Variants in RAB11FIP2 observed in about 807,000 individuals in gnomAD.
RAB11FIP2 encodes the protein RAB11 family interacting protein 2, also known as rab11 family-interacting protein 2.
In RAB11FIP2, 16 loss-of-function variants were observed where a neutral mutation model predicts 40.9. That is an observed-to-expected ratio of 0.39 (90% CI 0.26 to 0.59). RAB11FIP2 has a LOEUF of 0.59. Among genes scored for constraint, RAB11FIP2 ranks in the 20% least tolerant of loss-of-function variants. The pLI is 0.53. For missense variants in RAB11FIP2, 532 were observed against 606.2 expected (o/e 0.88, Z 1.28); for synonymous variants, 228 against 213.7 (o/e 1.07, Z -0.58).
chr10:118,046,248 C>G lies in RAB11FIP2; in HGVS notation c.-85G>C. Reference sequence around the variant, plus strand: ...GAGCCTAATTCCTTAATCACTGCATCCTAAGGACACTTAACGGAAACAGGC... The same window carrying G: ...GAGCCTAATTCCTTAATCACTGCATGCTAAGGACACTTAACGGAAACAGGC... On this transcript the variant is annotated 5_prime_UTR_variant, in exon 1 of 5. Coordinates refer to ENST00000355624, the MANE Select transcript of RAB11FIP2 (RefSeq NM_014904.3). 8.9e-7 allele frequency: 1 copy of G among 1,128,610 alleles called. No homozygotes were observed. The highest frequency in any genetic ancestry group is 1.3e-6 in the Non-Finnish European group (1 of 773,706). The allele number at this position is 1,128,610 out of a possible 1,614,324, so 69.9% of individuals were successfully genotyped here.
Position 118,039,020 on chromosome 10 carries a change from T to G in RAB11FIP2, c.1217A>C (p.Asn406Thr). 1 of 1,609,130 alleles carries G rather than the reference T, an allele frequency of 6.2e-7. No homozygotes were observed. The highest frequency in any genetic ancestry group is 2.2e-5 in the East Asian group (1 of 44,822). ...AGCCCTGAATTTTGCTGTAAATGGA[T>G]TGGTTGACTCATAATCAAAATAGTC... ...RQDYFDYEST[N>T]PFTAKFRASN... The change falls in exon 3 of 5, where the codon AAT (asparagine) becomes ACT (threonine). Residue 406 changes from asparagine (N) to threonine (T), a missense_variant. Asn to Thr is a moderately conservative substitution (Grantham distance 65, BLOSUM62 0). Coordinates refer to ENST00000355624, the MANE Select transcript of RAB11FIP2 (RefSeq NM_014904.3).
rs754207808 is a variant in RAB11FIP2 at position 118,039,188 on chromosome 10, T to A, written c.1049A>T (p.Lys350Ile). 1 of 1,613,716 alleles carries A rather than the reference T, an allele frequency of 6.2e-7. No individual in the cohort carries two copies. The highest frequency in any genetic ancestry group is 8.5e-7 in the Non-Finnish European group (1 of 1,179,786). The change falls in exon 3 of 5, where the codon AAA becomes ATA. Residue 350 changes from lysine to isoleucine, a missense_variant. Lys to Ile is a moderately radical substitution (Grantham distance 102). Transcript: ENST00000355624. ...SKPIEIRKEN[K>I]REKREKVSLF... ...GCTAACTTTCTCCCTTTTCTCTCTT[T>A]TATTTTCTTTTCTTATTTCAATTGG... is the stretch of plus-strand genomic sequence containing the variant.
chr10:118,033,791 A>G (rs141097163), intron 3 of RAB11FIP2, among the ~76,000 whole-genome samples: 87 of 152,286 alleles, frequency 5.7e-4, no homozygotes, highest in Admixed American at 3.5e-3. Context: ...TTTCTTAAAC[A>G]CAACGAAAGG....
At chr10:118,011,540 C>T (rs1589636631) in intron 4 of RAB11FIP2, among the ~76,000 whole-genome samples, 1 of 151,988 alleles carries the variant, frequency 6.6e-6, no homozygotes, top group African/African-American at 2.4e-5. Context: ...GTGTAGAGTT[C>T]GGTATACTTT....
intron 4 of RAB11FIP2, among the ~76,000 whole-genome samples, chr10:118,012,392 G>T (rs1306666393): frequency 2.0e-5 from 3 of 151,850 alleles, no homozygotes; most frequent in South Asian, 2.1e-4. Context: ...TATGTACTAT[G>T]AATTATATTC....
At chr10:118,032,421 GTGTT>G in intron 3 of RAB11FIP2, among the ~76,000 whole-genome samples, 1 of 149,254 alleles carries the variant, frequency 6.7e-6, no homozygotes, top group South Asian at 2.1e-4. Context: ...GCGTGTGTGT[GTGTT>G]TAACCTATTC....
At chr10:118,034,009 C>T (rs1246264490) in intron 3 of RAB11FIP2, 1 of 702,150 alleles carries the variant, frequency 1.4e-6, no homozygotes, top group Non-Finnish European at 2.6e-6. Flanking sequence ...AGATCCTCTC[C>T]ATTCAGCTAC....
chr10:118,034,053 AAAC>A (rs956078455), intron 3 of RAB11FIP2: 2 of 701,242 alleles, frequency 2.9e-6, no homozygotes, highest in Non-Finnish European at 5.2e-6. Flanking sequence ...TGTAAAGCCC[AAAC>A]AATAAATAGT....
chr10:118,006,858 T>A lies in RAB11FIP2; in HGVS notation c.*2140A>T, dbSNP rs575508484. The A allele has an allele frequency of 5.2e-5, 8 of 152,466 alleles. No individual in the cohort carries two copies. The highest frequency in any genetic ancestry group is 1.9e-4 in the African/African-American group (8 of 41,560). 9.4% of individuals were successfully genotyped at this position (152,466 alleles called of 1,614,324 possible). ...AAGCTAAGCCTCAATAGCTTTTATA[T>A]AGGAAAAGAATCGCTCCTTAAAAAT... On this transcript the variant is annotated 3_prime_UTR_variant, in exon 5 of 5. Transcript: ENST00000355624.
chr10:118,007,372 T>A lies in RAB11FIP2; in HGVS notation c.*1626A>T, dbSNP rs1013288230. 6.6e-6 allele frequency: 1 copy of A among 151,514 alleles called. No individual in the cohort carries two copies. Among genetic ancestry groups the A allele is most frequent in the South Asian group, 2.1e-4 (1 of 4,820 alleles). 9.4% of individuals were successfully genotyped at this position (151,514 alleles called of 1,614,324 possible). On this transcript the variant is annotated 3_prime_UTR_variant, in exon 5 of 5. Transcript: ENST00000355624. ...TACAGTAAAACTGAAATGCAGAAGATACAAATAACAAGGGGTTTTAGTTTA... is the reference window on the plus strand; with the variant it reads ...TACAGTAAAACTGAAATGCAGAAGAAACAAATAACAAGGGGTTTTAGTTTA...
At chr10:118,041,653 CT>C (rs1846560024) in intron 1 of RAB11FIP2, among the ~76,000 whole-genome samples, 1 of 151,828 alleles carries the variant, frequency 6.6e-6, no homozygotes, top group South Asian at 2.1e-4. Context: ...CAAAGGAACT[CT>C]GATCTAATTT....
At chr10:118,044,510 G>A (rs189287462) in intron 1 of RAB11FIP2, among the ~76,000 whole-genome samples, 29 of 152,072 alleles carry the variant, frequency 1.9e-4, no homozygotes, top group Middle Eastern at 3.4e-3. Context: ...TCAAATCACT[G>A]ATATATATTA....
Position 118,046,269 on chromosome 10 carries a change from C to A in RAB11FIP2, c.-106G>T, listed in dbSNP as rs144216696. 7.8e-5 allele frequency: 77 copies of A among 984,000 alleles called. No homozygotes were observed. In the African/African-American group the frequency reaches 1.1e-3, roughly 14 times the overall value. The allele number at this position is 984,000 out of a possible 1,614,324, so 61.0% of individuals were successfully genotyped here. On this transcript the variant is annotated 5_prime_UTR_variant, in exon 1 of 5. Transcript: ENST00000355624. ...GCATCCTAAGGACACTTAACGGAAACAGGCAGGCTCAGGGCTCCCCGACTT... is the reference window on the plus strand; with the variant it reads ...GCATCCTAAGGACACTTAACGGAAAAAGGCAGGCTCAGGGCTCCCCGACTT...
chr10:118,041,046 TCC>T (rs1358813748), intron 1 of RAB11FIP2, among the ~76,000 whole-genome samples: 2 of 152,098 alleles, frequency 1.3e-5, no homozygotes, highest in East Asian at 3.8e-4. Flanking sequence ...CCTGGCCCCA[TCC>T]CAAAATATTA....
intron 3 of RAB11FIP2, among the ~76,000 whole-genome samples, chr10:118,035,278 C>A (rs1017345200): frequency 6.6e-6 from 1 of 152,110 alleles, no homozygotes; most frequent in Non-Finnish European, 1.5e-5. Context: ...GCCACTGATA[C>A]CGTGGTTATT....
chr10:118,007,576 C>T lies in RAB11FIP2; in HGVS notation c.*1422G>A, dbSNP rs1475651786. The T allele has an allele frequency of 3.3e-5, 5 of 151,880 alleles. No individual in the cohort carries two copies. In the East Asian group the frequency reaches 7.7e-4, roughly 23 times the overall value. 9.4% of individuals were successfully genotyped at this position (151,880 alleles called of 1,614,324 possible). On this transcript the variant is annotated 3_prime_UTR_variant, in exon 5 of 5. Coordinates refer to ENST00000355624, the MANE Select transcript of RAB11FIP2 (RefSeq NM_014904.3). Reference sequence around the variant, plus strand: ...GGGAATATGTAAGTCTCCATATGGACATGAATTTTCATTTTAAATTCAGAA... The same window carrying T: ...GGGAATATGTAAGTCTCCATATGGATATGAATTTTCATTTTAAATTCAGAA...
intron 1 of RAB11FIP2, among the ~76,000 whole-genome samples, chr10:118,040,934 T>C (rs917029438): frequency 1.3e-5 from 2 of 152,078 alleles, no homozygotes; most frequent in Admixed American, 6.5e-5. Flanking sequence ...TTTTTTAACA[T>C]TAAAAGACAT....
chr10:118,040,227 A>G lies in RAB11FIP2; in HGVS notation c.692T>C (p.Leu231Ser), dbSNP rs1195152960. The change falls in exon 2 of 5, where the codon TTA becomes TCA. Residue 231 changes from leucine (L) to serine (S), a missense_variant. Transcript: ENST00000355624. Reference protein sequence around the residue: ...RLSSAHSMSDLSGSHMSSEKL... With the variant: ...RLSSAHSMSDSSGSHMSSEKL... ...CTCAGAAGACATATGGGACCCAGAT[A>G]AATCAGACATTGAATGCGCTGACGA... 1.2e-6 allele frequency: 2 copies of G among 1,613,876 alleles called. No individual in the cohort carries two copies. Among genetic ancestry groups the G allele is most frequent in the East Asian group, 2.2e-5 (1 of 44,870 alleles).
At chr10:118,034,090 C>G (rs759477428) in intron 3 of RAB11FIP2, 18 of 697,668 alleles carry the variant, frequency 2.6e-5, no homozygotes, top group Non-Finnish European at 4.7e-5. Flanking sequence ...GCCATATGGT[C>G]TCTGTCACAA....
Sources: gnomAD v4.1 joint callset for allele counts (sites outside exome capture counted in the v4.1 genomes callset) on GRCh38, gnomAD v4.1.1 for gene constraint, MANE v1.5 for transcripts, NCBI Gene and HGNC (gene_info 2026-07-23, HGNC 2026-07-21) for gene names.